The following SNURF variants were observed in gnomAD, a reference collection of about 807,000 sequenced individuals.
The protein encoded by SNURF is SNURF protein.
In SNURF, 6 loss-of-function variants were observed where a neutral mutation model predicts 11.6. That is an observed-to-expected ratio of 0.52 (90% CI 0.28 to 1.02). The LOEUF (loss-of-function observed/expected upper bound fraction) is 1.02, where lower values mean the gene tolerates loss of function less well. Among genes scored for constraint, SNURF ranks in the 50% least tolerant of loss-of-function variants. The pLI is 0.09. For missense variants in SNURF, 84 were observed against 88.4 expected, an observed-to-expected ratio of 0.95 and a Z score of 0.20; for synonymous variants, 29 against 31.6, an observed-to-expected ratio of 0.92 and a Z score of 0.27.
chr15:24,975,711 T>C (rs183955482), intron 4 of SNURF, among the ~76,000 whole-genome samples: 41 of 152,328 alleles, frequency 2.7e-4, no homozygotes, highest in Admixed American at 1.6e-3. Flanking sequence ...AAAACAATCA[T>C]GGATTTATTA....
At chr15:24,955,708 C>T (rs1446592579) in intron 1 of SNURF, among the ~76,000 whole-genome samples, 8 of 140,002 alleles carry the variant, frequency 5.7e-5, no homozygotes, top group East Asian at 2.1e-4. Context: ...GGTCGCGGCG[C>T]GGGGAGAGTC....
exon 6 of SNURF, chr15:24,977,005 A>G: frequency 6.3e-7 from 1 of 1,592,450 alleles, no homozygotes; most frequent in Non-Finnish European, 8.5e-7. Flanking sequence ...GCCCTGTCCG[A>G]GGAGTTGGGG....
intron 1 of SNURF, among the ~76,000 whole-genome samples, chr15:24,957,827 T>C (rs552896000): frequency 2.6e-5 from 4 of 152,166 alleles, no homozygotes; most frequent in Admixed American, 1.3e-4. Context: ...AAGCTGAGTA[T>C]TTAGTCTGAT....
chr15:24,978,106 C>A, downstream of SNURF: 1 of 1,392,164 alleles, frequency 7.2e-7, no homozygotes, highest in Non-Finnish European at 1.0e-6. Context: ...TGTTGTCTGG[C>A]CCATTTCTTT....
chr15:24,961,691 C>T (rs534762339), intron 1 of SNURF, among the ~76,000 whole-genome samples: 1 of 152,050 alleles, frequency 6.6e-6, no homozygotes, highest in Non-Finnish European at 1.5e-5. Context: ...TTCTATTCCA[C>T]TATATAAGTA....
intron 2 of SNURF, among the ~76,000 whole-genome samples, chr15:24,967,494 T>G (rs1477155314): frequency 6.6e-6 from 1 of 151,810 alleles, no homozygotes; most frequent in Non-Finnish European, 1.5e-5. Context: ...ACAAAAAAAT[T>G]AGCCGAGAGT....
At chr15:24,966,129 T>G (rs186322050) in intron 2 of SNURF, among the ~76,000 whole-genome samples, 1 of 152,318 alleles carries the variant, frequency 6.6e-6, no homozygotes, top group East Asian at 1.9e-4. Flanking sequence ...TTCCCCTCAA[T>G]GCAGACACCA....
At chr15:24,978,221 A>G (rs761947143), downstream of SNURF, 2 of 1,613,892 alleles carry the variant, frequency 1.2e-6, no homozygotes, top group Admixed American at 1.7e-5. Flanking sequence ...CTGGTATGAG[A>G]CCACCCATGG....
At chr15:24,974,336 G>A in intron 3 of SNURF, 1 of 898,652 alleles carries the variant, frequency 1.1e-6, no homozygotes, top group Admixed American at 1.7e-5. Flanking sequence ...TGAAGCTTCT[G>A]CCCAGCTTGC....
At chr15:24,961,979 G>C in intron 1 of SNURF, 135 bp from the exon 2 acceptor site, 3 of 829,960 alleles carry the variant, frequency 3.6e-6, no homozygotes, top group Non-Finnish European at 6.0e-6. Flanking sequence ...TAAAGATCTT[G>C]TAATAATTTT....
At chr15:24,972,694 C>T (rs75304235), downstream of SNURF, among the ~76,000 whole-genome samples, 3 of 151,896 alleles carry the variant, frequency 2.0e-5, no homozygotes, top group East Asian at 5.8e-4. Flanking sequence ...ACTTCAAGAC[C>T]CTTTACAATT....
rs17114916 is a variant in SNURF, at chr15:24,966,019, C to T, written c.111-1913C>T. Among the ~76,000 whole-genome samples the T allele has an allele frequency of 4.7e-3, 709 of 152,172 alleles. 4 individuals carry two copies. Among genetic ancestry groups the T allele is most frequent in the African/African-American group, 0.016 (671 of 41,498 alleles). On this transcript the variant is annotated intron_variant, in intron 2 of 2. Coordinates refer to ENST00000577949, the Ensembl canonical transcript of SNURF. Reference sequence around the variant, plus strand: ...ACTATGAATTAGAGTATAAAGTAGACTATGAATTAGAGTGTGAAGATTTAG... The same window carrying T: ...ACTATGAATTAGAGTATAAAGTAGATTATGAATTAGAGTGTGAAGATTTAG...
intron 1 of SNURF, among the ~76,000 whole-genome samples, chr15:24,959,166 C>T (rs1183036754): frequency 1.3e-5 from 2 of 152,172 alleles, no homozygotes; most frequent in Admixed American, 1.3e-4. Context: ...AAACATTTAA[C>T]ACCCTTTCTA....
chr15:24,956,054 C>T (rs2062807395), intron 1 of SNURF, among the ~76,000 whole-genome samples: 1 of 152,112 alleles, frequency 6.6e-6, no homozygotes, highest in African/African-American at 2.4e-5. Context: ...AATGCCTACA[C>T]TGCCGCAGGG....
chr15:24,961,185 T>A (rs1232951930), intron 1 of SNURF, among the ~76,000 whole-genome samples: 7 of 152,238 alleles, frequency 4.6e-5, no homozygotes, highest in African/African-American at 1.2e-4. Flanking sequence ...TATAAAATTT[T>A]ACCATTTAGA....
At chr15:24,956,090 C>T (rs142586858) in intron 1 of SNURF, among the ~76,000 whole-genome samples, 234 of 152,224 alleles carry the variant, frequency 1.5e-3, no homozygotes, top group African/African-American at 5.1e-3. Flanking sequence ...GGAATCCTTG[C>T]GTACCCTTTA....
At chr15:24,976,864 T>C (rs2077122973) in intron 5 of SNURF, 2 of 1,604,326 alleles carry the variant, frequency 1.2e-6, no homozygotes, top group African/African-American at 2.7e-5. Context: ...GGCTATGAAT[T>C]TTCTTGTTTC....
chr15:24,975,650 C>T, intron 4 of SNURF: 1 of 676,772 alleles, frequency 1.5e-6, no homozygotes, highest in Non-Finnish European at 2.5e-6. Context: ...AACCTCTTGA[C>T]CTGATCTCTG....
At chr15:24,978,238 C>T, downstream of SNURF, 1 of 1,613,924 alleles carries the variant, frequency 6.2e-7, no homozygotes, top group Non-Finnish European at 8.5e-7. Flanking sequence ...ATGGGCCCAC[C>T]AATTGGGCTT....
Sources: allele counts gnomAD v4.1 joint callset (sites outside exome capture counted in the v4.1 genomes callset), GRCh38; gene constraint gnomAD v4.1.1; transcripts MANE v1.5; gene names NCBI Gene and HGNC (gene_info 2026-07-23, HGNC 2026-07-21).